The following ADIPOR2 variants were observed in gnomAD, a reference collection of about 807,000 sequenced individuals.
ADIPOR2 encodes adiponectin receptor 2.
Under a neutral mutation model 40.9 loss-of-function variants are expected in ADIPOR2, and 18 were observed. The ratio of observed to expected loss-of-function variants is 0.44; its 90% CI spans 0.30 to 0.65. The LOEUF is 0.65. ADIPOR2 is among the 30% of genes least tolerant of loss of function. The pLI, the probability that ADIPOR2 is intolerant of heterozygous loss-of-function variation, is 0.09. For synonymous variants in ADIPOR2, 165 were observed against 166.4 expected, an observed-to-expected ratio of 0.99 and a Z score of 0.06; for missense variants, 283 against 479.2, an observed-to-expected ratio of 0.59 and a Z score of 3.82.
intron 1 of ADIPOR2, among the ~76,000 whole-genome samples, chr12:1,713,513 T>C (rs936253151): frequency 6.6e-6 from 1 of 152,064 alleles, no homozygotes; most frequent in African/African-American, 2.4e-5. Flanking sequence ...TTAGCCTTAT[T>C]TGGAGTGGGT....
chr12:1,774,835 GC>G (rs894441957), intron 3 of ADIPOR2, among the ~76,000 whole-genome samples: 1 of 152,140 alleles, frequency 6.6e-6, no homozygotes, highest in African/African-American at 2.4e-5. Context: ...CTCCCAAGTA[GC>G]TGGGATTACA....
intron 6 of ADIPOR2, among the ~76,000 whole-genome samples, chr12:1,783,612 T>G (rs1314405417): frequency 1.3e-5 from 2 of 151,958 alleles, no homozygotes; most frequent in Non-Finnish European, 2.9e-5. Context: ...TTAGCCAGGC[T>G]GGTCCCAAAG....
At chr12:1,734,874 T>G (rs574678020) in intron 1 of ADIPOR2, among the ~76,000 whole-genome samples, 95 of 152,328 alleles carry the variant, frequency 6.2e-4, no homozygotes, top group African/African-American at 2.1e-3. Flanking sequence ...TTTCCCCATT[T>G]CTTGTTTTTG....
chr12:1,740,913 C>T (rs558448915), intron 1 of ADIPOR2, among the ~76,000 whole-genome samples: 11 of 152,248 alleles, frequency 7.2e-5, no homozygotes, highest in Non-Finnish European at 1.2e-4. Flanking sequence ...ATTAGTGTGA[C>T]GGGTCGTCAG....
At chr12:1,735,956 TGGTG>T (rs2094729618) in intron 1 of ADIPOR2, among the ~76,000 whole-genome samples, 3 of 152,210 alleles carry the variant, frequency 2.0e-5, no homozygotes, top group African/African-American at 7.2e-5. Context: ...CACTTGATCA[TGGTG>T]GATAAGCTTT....
At chr12:1,725,967 C>T (rs1418363275) in intron 1 of ADIPOR2, among the ~76,000 whole-genome samples, 1 of 152,024 alleles carries the variant, frequency 6.6e-6, no homozygotes, top group African/African-American at 2.4e-5. Context: ...CAGCAGTGAA[C>T]AAAACATAAA....
chr12:1,762,793 AATGT>A (rs1167140882), intron 2 of ADIPOR2, among the ~76,000 whole-genome samples: 1 of 152,178 alleles, frequency 6.6e-6, no homozygotes, highest in East Asian at 1.9e-4. Flanking sequence ...GTTTCATGTG[AATGT>A]ATGTGTATTG....
chr12:1,693,142 C>G (rs111415604), intron 1 of ADIPOR2, among the ~76,000 whole-genome samples: 1 of 151,750 alleles, frequency 6.6e-6, no homozygotes, highest in Non-Finnish European at 1.5e-5. Flanking sequence ...ACAACAAGAG[C>G]GAAACTCCGT....
intron 1 of ADIPOR2, among the ~76,000 whole-genome samples, chr12:1,706,672 A>G (rs1310805535): frequency 2.0e-5 from 3 of 152,174 alleles, no homozygotes; most frequent in African/African-American, 4.8e-5. Flanking sequence ...TTGATAATGT[A>G]CATACCCACC....
At chr12:1,767,019 C>G (rs903374086) in intron 2 of ADIPOR2, among the ~76,000 whole-genome samples, 1 of 152,162 alleles carries the variant, frequency 6.6e-6, no homozygotes, top group African/African-American at 2.4e-5. Flanking sequence ...CCCGTAATCC[C>G]AGCACTTCGG....
At chr12:1,722,488 T>A (rs2094699793) in intron 1 of ADIPOR2, among the ~76,000 whole-genome samples, 1 of 152,222 alleles carries the variant, frequency 6.6e-6, no homozygotes, top group African/African-American at 2.4e-5. Flanking sequence ...GATGTATGTC[T>A]GCTAGATTTG....
At chr12:1,734,865 T>G (rs570592675) in intron 1 of ADIPOR2, among the ~76,000 whole-genome samples, 1 of 152,302 alleles carries the variant, frequency 6.6e-6, no homozygotes, top group Non-Finnish European at 1.5e-5. Flanking sequence ...AGGGAATCCT[T>G]TCCCCATTTC....
chr12:1,721,997 G>A (rs1420112491), intron 1 of ADIPOR2, among the ~76,000 whole-genome samples: 2 of 152,084 alleles, frequency 1.3e-5, no homozygotes, highest in Admixed American at 1.3e-4. Flanking sequence ...AGGTGTAAAC[G>A]AAAGCCAGTG....
rs1350659045 is a variant in ADIPOR2 at position 1,778,042 on chromosome 12, A to G, written c.463+17A>G. 1.9e-6 allele frequency: 3 copies of G among 1,604,794 alleles called. No homozygotes were observed. In the South Asian group the frequency reaches 3.3e-5, roughly 18 times the overall value. ...ATCTCTTAGGTATGTAATGTCAGTG[A>G]TGTAATGAGCTGGTGATTCACTTTC... is the stretch of plus-strand genomic sequence containing the variant. On this transcript the variant is annotated intron_variant, in intron 4 of 7. Coordinates refer to ENST00000357103, the MANE Select transcript of ADIPOR2 (RefSeq NM_024551.3).
chr12:1,744,271 AT>A (rs1302377390), intron 1 of ADIPOR2, among the ~76,000 whole-genome samples: 2 of 151,784 alleles, frequency 1.3e-5, no homozygotes, highest in Non-Finnish European at 2.9e-5. Context: ...CACCTGGCTG[AT>A]TTTTTGTATT....
intron 1 of ADIPOR2, among the ~76,000 whole-genome samples, chr12:1,716,863 G>GA (rs1435130904): frequency 2.6e-5 from 4 of 152,190 alleles, no homozygotes; most frequent in Admixed American, 2.6e-4. Flanking sequence ...AGCATTACTG[G>GA]AAAACTTATT....
At chr12:1,743,229 C>CAAAAAAAA (rs552711963) in intron 1 of ADIPOR2, among the ~76,000 whole-genome samples, 1,348 of 54,314 alleles carry the variant, frequency 0.025, 32 homozygotes, top group Middle Eastern at 0.062. Context: ...CCATCTCTAC[C>CAAAAAAAA]AAAAAAAAAA....
chr12:1,709,955 T>C (rs900405686), intron 1 of ADIPOR2, among the ~76,000 whole-genome samples: 1 of 152,212 alleles, frequency 6.6e-6, no homozygotes, highest in African/African-American at 2.4e-5. Flanking sequence ...AAGCTGTGTC[T>C]TTGATAGTAT....
chr12:1,765,267 T>C (rs1268812184), intron 2 of ADIPOR2, among the ~76,000 whole-genome samples: 1 of 152,188 alleles, frequency 6.6e-6, no homozygotes, highest in Non-Finnish European at 1.5e-5. Context: ...ACACCTACTT[T>C]ATGAATATGA....
Sources: gnomAD v4.1 joint callset for allele counts (sites outside exome capture counted in the v4.1 genomes callset) on GRCh38, gnomAD v4.1.1 for gene constraint, MANE v1.5 for transcripts, NCBI Gene and HGNC (gene_info 2026-07-23, HGNC 2026-07-21) for gene names.